The following TF variants were observed in gnomAD, a reference collection of about 807,000 sequenced individuals.
The protein encoded by TF is transferrin.
In TF, 55 loss-of-function variants were observed where a neutral mutation model predicts 82.4. That is an observed-to-expected ratio of 0.67 (90% CI 0.54 to 0.84). TF has a LOEUF of 0.84. Among genes scored for constraint, TF ranks in the 40% least tolerant of loss-of-function variants. The probability of loss-of-function intolerance (pLI) is 0.00; values close to 1 mark genes in which losing one functional copy is unlikely to be tolerated. For missense variants in TF, 737 were observed against 868.4 expected (o/e 0.85, Z 1.90); for synonymous variants, 332 against 332.6 (o/e 1.00, Z 0.02).
At chr3:133,746,305 C>G, upstream of TF, 1 of 1,028,466 alleles carries the variant, frequency 9.7e-7, no homozygotes, top group Middle Eastern at 2.1e-4. Flanking sequence ...TTGGGCAACC[C>G]GGCTGCACAA....
At chr3:133,728,003 A>G in the TF span, among the ~76,000 whole-genome samples, 3 of 152,182 alleles carry the variant, frequency 2.0e-5, no homozygotes, top group East Asian at 5.8e-4. Context: ...TCTGGCTGGC[A>G]GGGTTTCTGC....
At chr3:133,731,223 G>A in the TF span, among the ~76,000 whole-genome samples, 1 of 152,192 alleles carries the variant, frequency 6.6e-6, no homozygotes, top group East Asian at 1.9e-4. Context: ...TTAACCAGCT[G>A]AACAGAGCTG....
At chr3:133,674,171 C>G in the TF span, among the ~76,000 whole-genome samples, 1 of 152,188 alleles carries the variant, frequency 6.6e-6, no homozygotes, top group African/African-American at 2.4e-5. Context: ...TGGACAGCCC[C>G]CGAATCCCTA....
At chr3:133,778,435 A>G (rs1258603053) in intron 16 of TF, 151 bp from the exon 17 acceptor site, 3 of 745,418 alleles carry the variant, frequency 4.0e-6, no homozygotes, top group Non-Finnish European at 6.7e-6. Context: ...AGGCAAGTAG[A>G]AAAGAGCACT....
chr3:133,748,230 G>C, intron 1 of TF, 182 bp from the exon 2 acceptor site: 1 of 801,556 alleles, frequency 1.2e-6, no homozygotes, highest in Non-Finnish European at 2.0e-6. Context: ...AGGCCATTAG[G>C]GCAACCTTCT....
chr3:133,688,623 T>TTCA, the TF span, among the ~76,000 whole-genome samples: 1 of 152,132 alleles, frequency 6.6e-6, no homozygotes, highest in Non-Finnish European at 1.5e-5. Context: ...CTCAGTAAAA[T>TTCA]ACCTATGTCA....
the TF span, among the ~76,000 whole-genome samples, chr3:133,701,699 G>T: frequency 2.6e-3 from 401 of 152,320 alleles, 2 homozygotes; most frequent in African/African-American, 9.2e-3. Context: ...CCCTGGGGAG[G>T]TGATGCCTGA....
chr3:133,746,350 A>G, upstream of TF: 1 of 1,451,550 alleles, frequency 6.9e-7, no homozygotes, highest in Non-Finnish European at 9.4e-7. Context: ...CAGCCCGCCC[A>G]GGCCGGGAAT....
the TF span, among the ~76,000 whole-genome samples, chr3:133,695,561 T>G: frequency 6.6e-6 from 1 of 152,186 alleles, no homozygotes; most frequent in South Asian, 2.1e-4. Flanking sequence ...TTGCCTTATA[T>G]CTGATAGAAA....
At chr3:133,743,615 G>C (rs1391945081), upstream of TF, among the ~76,000 whole-genome samples, 1 of 152,146 alleles carries the variant, frequency 6.6e-6, no homozygotes, top group African/African-American at 2.4e-5. Context: ...TGTCTCATCT[G>C]TAAGATACAG....
chr3:133,764,837 A>G, intron 10 of TF, 38 bp from the exon 11 acceptor site: 2 of 1,602,300 alleles, frequency 1.2e-6, no homozygotes, highest in Non-Finnish European at 1.7e-6. Flanking sequence ...TCTATAAATC[A>G]GGGTTTAATG....
chr3:133,765,534 C>G (rs1374859056), intron 11 of TF, among the ~76,000 whole-genome samples: 2 of 152,180 alleles, frequency 1.3e-5, no homozygotes, highest in Non-Finnish European at 2.9e-5. Context: ...AGGTCACATT[C>G]CAGACAGCCA....
chr3:133,746,739 A>G (rs1302542047), intron 1 of TF, among the ~76,000 whole-genome samples: 1 of 152,216 alleles, frequency 6.6e-6, no homozygotes, highest in Admixed American at 6.5e-5. Context: ...ACAATAAATC[A>G]GAGCACGTCT....
chr3:133,769,629 A>G (rs1340313881), intron 13 of TF, among the ~76,000 whole-genome samples: 3 of 152,140 alleles, frequency 2.0e-5, no homozygotes, highest in Non-Finnish European at 4.4e-5. Context: ...GCTACCCCCA[A>G]AACTCTTGAA....
At position 133,768,053 on chromosome 3, in the gene TF, C is replaced by A; in HGVS notation, c.1511C>A (p.Ala504Asp). 1 of 1,614,136 alleles carries A rather than the reference C, an allele frequency of 6.2e-7. No homozygotes were observed. Among genetic ancestry groups the A allele is most frequent in the Non-Finnish European group, 8.5e-7 (1 of 1,180,008 alleles). Reference protein sequence around the residue: ...RFDEFFSEGCAPGSKKDSSLC... With the variant: ...RFDEFFSEGCDPGSKKDSSLC... ...GATGAATTTTTCAGTGAAGGTTGTG[C>A]CCCTGGGTCTAAGAAAGACTCCAGT... is the stretch of plus-strand genomic sequence containing the variant. The change falls in exon 13 of 17, where the codon GCC (alanine) becomes GAC (aspartate). Residue 504 changes from alanine to aspartate, a missense_variant. Ala to Asp is a moderately radical substitution (Grantham distance 126). Transcript: ENST00000402696.
At chr3:133,736,084 C>T in the TF span, among the ~76,000 whole-genome samples, 1 of 152,108 alleles carries the variant, frequency 6.6e-6, no homozygotes, top group Admixed American at 6.5e-5. Context: ...AAAGGGAAGC[C>T]CATCAGACTA....
chr3:133,742,464 G>A (rs1447030556), upstream of TF, among the ~76,000 whole-genome samples: 1 of 128,226 alleles, frequency 7.8e-6, no homozygotes, highest in Non-Finnish European at 1.9e-5. Flanking sequence ...GAGAGAGAGA[G>A]AAAGAGAGAG....
the TF span, among the ~76,000 whole-genome samples, chr3:133,721,263 G>A: frequency 6.6e-6 from 1 of 152,064 alleles, no homozygotes; most frequent in African/African-American, 2.4e-5. Flanking sequence ...CTTTTGCTGT[G>A]TCTCATAGGT....
At chr3:133,747,570 A>G (rs1488856422) in intron 1 of TF, among the ~76,000 whole-genome samples, 3 of 152,202 alleles carry the variant, frequency 2.0e-5, no homozygotes, top group African/African-American at 7.2e-5. Context: ...GGACAGGGCA[A>G]AAGCTCATGT....
Sources: allele counts gnomAD v4.1 joint callset (sites outside exome capture counted in the v4.1 genomes callset), GRCh38; gene constraint gnomAD v4.1.1; transcripts MANE v1.5; gene names NCBI Gene and HGNC (gene_info 2026-07-23, HGNC 2026-07-21).